Variants in CCDC171 observed in about 807,000 individuals in gnomAD.
CCDC171 encodes coiled-coil domain-containing protein 171.
Under a neutral mutation model 168.2 loss-of-function variants are expected in CCDC171, and 177 were observed. That is an observed-to-expected ratio of 1.05 (90% confidence interval 0.93 to 1.19). The LOEUF (loss-of-function observed/expected upper bound fraction) is 1.19, where lower values mean the gene tolerates loss of function less well. Among genes scored for constraint, CCDC171 ranks in the 50% most tolerant of loss-of-function variants. The pLI, the probability that CCDC171 is intolerant of heterozygous loss-of-function variation, is 0.00. For missense variants in CCDC171, 1,991 were observed against 1,539.0 expected (o/e 1.29, Z -4.91); for synonymous variants, 687 against 540.8 (o/e 1.27, Z -3.75).
At chr9:15,993,638 AC>A (rs1832275507) in intron 3 of CCDC171, among the ~76,000 whole-genome samples, 1 of 152,224 alleles carries the variant, frequency 6.6e-6, no homozygotes, top group Admixed American at 6.5e-5. Context: ...AAAAGAAACT[AC>A]CATCAGCGTG....
chr9:15,796,302 A>C, intron 21 of CCDC171, among the ~76,000 whole-genome samples: 1 of 152,338 alleles, frequency 6.6e-6, no homozygotes, highest in South Asian at 2.1e-4. Flanking sequence ...CCAGGGGGAC[A>C]AAATGATGGA....
chr9:15,880,518 G>T lies in CCDC171; in HGVS notation c.3600+5855G>T, dbSNP rs1051401143. Reference sequence around the variant, plus strand: ...GTTGCCCAGGCTGGAGTGCAGTGACGTGATCTCGGCTCATTCCAACCTCCC... The same window carrying T: ...GTTGCCCAGGCTGGAGTGCAGTGACTTGATCTCGGCTCATTCCAACCTCCC... On this transcript the variant is annotated intron_variant, in intron 24 of 25. Transcript: ENST00000380701. Among the ~76,000 whole-genome samples the T allele has an allele frequency of 3.3e-5, 5 of 149,754 alleles. No homozygotes were observed. In the South Asian group the frequency reaches 1.1e-3, roughly 32 times the overall value.
intron 1 of CCDC171, among the ~76,000 whole-genome samples, chr9:16,050,360 G>C (rs1016864261): frequency 6.6e-6 from 1 of 152,176 alleles, no homozygotes; most frequent in Non-Finnish European, 1.5e-5. Flanking sequence ...TTTGTGAATG[G>C]ACAGCATATA....
chr9:15,682,159 A>G (rs993378113), intron 10 of CCDC171, among the ~76,000 whole-genome samples: 3 of 152,100 alleles, frequency 2.0e-5, no homozygotes, highest in African/African-American at 4.8e-5. Context: ...GGTGTTATTA[A>G]TAAGATACAA....
intron 4 of CCDC171, chr9:15,588,334 C>T (rs1055327898): frequency 8.9e-6 from 2 of 223,522 alleles, no homozygotes; most frequent in East Asian, 1.7e-4. Context: ...TCTGGTGCTA[C>T]GTCTTAGCAG....
chr9:16,001,260 A>T, intron 3 of CCDC171, among the ~76,000 whole-genome samples: 1 of 152,080 alleles, frequency 6.6e-6, no homozygotes, highest in East Asian at 1.9e-4. Flanking sequence ...GAAAAAATTT[A>T]TCTGTGACCA....
chr9:15,923,325 A>G (rs1825551834), intron 25 of CCDC171, among the ~76,000 whole-genome samples: 1 of 151,378 alleles, frequency 6.6e-6, no homozygotes, highest in African/African-American at 2.4e-5. Context: ...TCAGTCGTAA[A>G]AAAGAACGAA....
At chr9:15,917,432 G>T (rs1409843375) in intron 24 of CCDC171, among the ~76,000 whole-genome samples, 1 of 151,526 alleles carries the variant, frequency 6.6e-6, no homozygotes, top group Admixed American at 6.6e-5. Flanking sequence ...AAGAGAGTTG[G>T]AATGTTTAAG....
At chr9:15,746,759 G>A (rs910871099) in intron 18 of CCDC171, among the ~76,000 whole-genome samples, 1 of 152,162 alleles carries the variant, frequency 6.6e-6, no homozygotes, top group Non-Finnish European at 1.5e-5. Context: ...TGGACAGTGG[G>A]TGCAGCCCAC....
intron 6 of CCDC171, among the ~76,000 whole-genome samples, chr9:16,029,855 C>A (rs1404274418): frequency 1.3e-5 from 2 of 152,316 alleles, no homozygotes; most frequent in South Asian, 2.1e-4. Context: ...TCCTTGCCAA[C>A]TGGGACTAAG....
chr9:15,574,168 TCTCA>T (rs2040450278), intron 3 of CCDC171, among the ~76,000 whole-genome samples: 2 of 151,174 alleles, frequency 1.3e-5, no homozygotes, highest in South Asian at 2.1e-4. Context: ...TGAGACAGAG[TCTCA>T]CTCAGTCTGT....
intron 10 of CCDC171, among the ~76,000 whole-genome samples, chr9:15,687,740 A>G (rs549529854): frequency 3.4e-4 from 52 of 152,322 alleles, no homozygotes; most frequent in African/African-American, 1.2e-3. Context: ...GTAAGAGAAT[A>G]CTCTGAAAAA....
intron 7 of CCDC171, among the ~76,000 whole-genome samples, chr9:15,641,558 T>C (rs953432365): frequency 6.6e-6 from 1 of 152,210 alleles, no homozygotes; most frequent in African/African-American, 2.4e-5. Context: ...TTTGGTTAGT[T>C]CTGCTGCTGA....
At chr9:15,688,879 A>T (rs2050592813) in intron 10 of CCDC171, among the ~76,000 whole-genome samples, 1 of 152,220 alleles carries the variant, frequency 6.6e-6, no homozygotes, top group Admixed American at 6.5e-5. Context: ...AAAAGAAATA[A>T]AAGGCATCAG....
chr9:15,642,459 C>T (rs867205356), intron 7 of CCDC171, among the ~76,000 whole-genome samples: 4 of 149,460 alleles, frequency 2.7e-5, no homozygotes, highest in Admixed American at 2.0e-4. Context: ...GCCTATGAAA[C>T]AGTTTATGAA....
intron 7 of CCDC171, among the ~76,000 whole-genome samples, chr9:15,625,465 C>G (rs1485589263): frequency 6.6e-6 from 1 of 152,164 alleles, no homozygotes; most frequent in African/African-American, 2.4e-5. Flanking sequence ...ACATTTAAGT[C>G]TTTAATCCAT....
At chr9:15,756,255 C>T (rs1233110850) in intron 18 of CCDC171, among the ~76,000 whole-genome samples, 2 of 151,266 alleles carry the variant, frequency 1.3e-5, no homozygotes, top group East Asian at 3.9e-4. Context: ...CCTACCATTA[C>T]AAAGGAAAAC....
At chr9:16,063,719 T>C (rs1371109216), downstream of CCDC171, among the ~76,000 whole-genome samples, 1 of 152,220 alleles carries the variant, frequency 6.6e-6, no homozygotes, top group Non-Finnish European at 1.5e-5. Context: ...TGTTCATAGA[T>C]AGTTCCCAGT....
chr9:15,791,717 C>G (rs1017844550), intron 21 of CCDC171, among the ~76,000 whole-genome samples: 3 of 152,174 alleles, frequency 2.0e-5, no homozygotes, highest in African/African-American at 7.2e-5. Context: ...CAAACAGGGT[C>G]TGGAGTGGAC....
Sources: gnomAD v4.1 joint callset for allele counts (sites outside exome capture counted in the v4.1 genomes callset) on GRCh38, gnomAD v4.1.1 for gene constraint, MANE v1.5 for transcripts, NCBI Gene and HGNC (gene_info 2026-07-23, HGNC 2026-07-21) for gene names.